The following LARGE1 variants were observed in gnomAD, a reference collection of about 807,000 sequenced individuals.
The protein encoded by LARGE1 is LARGE xylosyl- and glucuronyltransferase 1.
LARGE1 carries 43 observed loss-of-function variants against 87.6 expected under a neutral mutation model. That is an observed-to-expected ratio of 0.49 (90% CI 0.38 to 0.63). The LOEUF (loss-of-function observed/expected upper bound fraction) is 0.63. Among genes scored for constraint, LARGE1 ranks in the 30% least tolerant of loss-of-function variants. The pLI is 0.00. For synonymous variants in LARGE1, 434 were observed against 394.6 expected, an observed-to-expected ratio of 1.10 and a Z score of -1.18; for missense variants, 802 against 1,000.2, an observed-to-expected ratio of 0.80 and a Z score of 2.67.
chr22:33,865,452 C>A (rs1271147252), intron 1 of LARGE1, among the ~76,000 whole-genome samples: 1 of 152,168 alleles, frequency 6.6e-6, no homozygotes, highest in African/African-American at 2.4e-5. Flanking sequence ...TGTTTTCAAC[C>A]TAAATGAGTC....
chr22:33,526,552 T>A (rs1046054423), intron 6 of LARGE1, among the ~76,000 whole-genome samples: 71 of 152,238 alleles, frequency 4.7e-4, no homozygotes, highest in African/African-American at 1.5e-3. Context: ...ATGAAACTTC[T>A]GTAGTGTACA....
chr22:33,412,408 C>T (rs918544035), intron 7 of LARGE1, among the ~76,000 whole-genome samples: 2 of 151,952 alleles, frequency 1.3e-5, no homozygotes, highest in Non-Finnish European at 2.9e-5. Flanking sequence ...TTCCAGGTTG[C>T]AATAGTCCCA....
intron 11 of LARGE1, among the ~76,000 whole-genome samples, chr22:33,185,263 A>T (rs1373890800): frequency 6.6e-6 from 1 of 152,174 alleles, no homozygotes; most frequent in Non-Finnish European, 1.5e-5. Context: ...ACACGGAGAA[A>T]ATTTAAGTGC....
rs1395390900 is a variant in LARGE1, at chr22:33,632,506, T to TG, written c.409-6181dup. On this transcript the variant is annotated intron_variant, in intron 3 of 14. Transcript: ENST00000397394. ...GAGTTTGGTCATTGGGAGGCACCAG[T>TG]GGGGGTCTCAGAGGTCAGATTTCCC... Among the ~76,000 whole-genome samples the TG allele has an allele frequency of 1.6e-4, 24 of 151,842 alleles. 1 individual carries two copies. The highest frequency in any genetic ancestry group is 9.8e-4 in the Admixed American group (15 of 15,236).
rs1033375 is a variant in LARGE1 at position 33,386,714 on chromosome 22, T to G, written c.893-2410A>C. ...CTCAGATAAACAATGTTGGGGGGGG[T>G]AGAAAGAAAAGAAACATTTACAAAG... On this transcript the variant is annotated intron_variant, in intron 7 of 14. Coordinates refer to ENST00000397394, the MANE Select transcript of LARGE1 (RefSeq NM_133642.5). 2.1e-5 allele frequency among the ~76,000 whole-genome samples: 3 copies of G among 146,290 alleles called. 1 individual carries two copies. Among genetic ancestry groups the G allele is most frequent in the South Asian group, 4.8e-4 (2 of 4,130 alleles).
chr22:33,352,474 C>G (rs1387510308), intron 9 of LARGE1, among the ~76,000 whole-genome samples: 4 of 152,050 alleles, frequency 2.6e-5, no homozygotes, highest in Admixed American at 6.6e-5. Context: ...AAGATGCTGG[C>G]CAGGCATGGT....
At chr22:33,728,983 C>G (rs1411734035) in intron 2 of LARGE1, among the ~76,000 whole-genome samples, 1 of 151,972 alleles carries the variant, frequency 6.6e-6, no homozygotes, top group Non-Finnish European at 1.5e-5. Flanking sequence ...CTGTCACCCC[C>G]CTCCCCACAA....
chr22:33,223,231 C>G (rs935005819), intron 11 of LARGE1, among the ~76,000 whole-genome samples: 2 of 152,126 alleles, frequency 1.3e-5, no homozygotes, highest in African/African-American at 4.8e-5. Context: ...CTTCCTAAAG[C>G]CTTGAAATAA....
the LARGE1 span, among the ~76,000 whole-genome samples, chr22:33,143,170 C>G: frequency 6.6e-6 from 1 of 152,074 alleles, no homozygotes; most frequent in Admixed American, 6.6e-5. Flanking sequence ...AAGGGAAGAG[C>G]CAAAACAAAG....
At chr22:33,588,666 G>C (rs540910658) in intron 5 of LARGE1, among the ~76,000 whole-genome samples, 2 of 152,328 alleles carry the variant, frequency 1.3e-5, no homozygotes, top group African/African-American at 4.8e-5. Context: ...AATGGCTCTT[G>C]ACCTTCTGCT....
the LARGE1 span, among the ~76,000 whole-genome samples, chr22:33,143,870 A>T: frequency 6.6e-6 from 1 of 152,340 alleles, no homozygotes; most frequent in South Asian, 2.1e-4. Flanking sequence ...CTTAAAATTT[A>T]AAATGAAGAT....
chr22:33,835,882 A>G (rs2063095839), intron 1 of LARGE1, among the ~76,000 whole-genome samples: 1 of 152,262 alleles, frequency 6.6e-6, no homozygotes, highest in Non-Finnish European at 1.5e-5. Context: ...AGATGAAGCC[A>G]GTAGTTATAG....
chr22:33,349,210 C>T (rs895188085), intron 9 of LARGE1, among the ~76,000 whole-genome samples: 5 of 152,176 alleles, frequency 3.3e-5, no homozygotes, highest in Non-Finnish European at 5.9e-5. Context: ...ATAACACTGG[C>T]TTTCCTGGGA....
the LARGE1 span, among the ~76,000 whole-genome samples, chr22:33,144,772 G>A: frequency 6.6e-6 from 1 of 152,124 alleles, no homozygotes; most frequent in African/African-American, 2.4e-5. Context: ...TTCCAAGCAT[G>A]TAGAGATAGA....
chr22:33,632,833 A>G (rs2080152086), intron 3 of LARGE1, among the ~76,000 whole-genome samples: 1 of 152,236 alleles, frequency 6.6e-6, no homozygotes, highest in South Asian at 2.1e-4. Flanking sequence ...GAGAATTTAT[A>G]CATTTTATTT....
intron 1 of LARGE1, among the ~76,000 whole-genome samples, chr22:33,846,939 G>GT (rs1179601942): frequency 6.6e-6 from 1 of 152,114 alleles, no homozygotes; most frequent in Non-Finnish European, 1.5e-5. Flanking sequence ...TTGTGATCTC[G>GT]TTCTGCCTCC....
the LARGE1 span, among the ~76,000 whole-genome samples, chr22:33,102,788 G>A: frequency 6.6e-6 from 1 of 152,046 alleles, no homozygotes; most frequent in African/African-American, 2.4e-5. Context: ...ACTGCACCTG[G>A]CACCCCCATT....
chr22:33,636,703 T>A (rs2080278008), intron 3 of LARGE1, among the ~76,000 whole-genome samples: 1 of 149,084 alleles, frequency 6.7e-6, no homozygotes, highest in Admixed American at 6.7e-5. Flanking sequence ...AAGTTTTGTA[T>A]TTTTTTTTTG....
chr22:33,766,426 T>A (rs2084902793), intron 1 of LARGE1, among the ~76,000 whole-genome samples: 1 of 152,102 alleles, frequency 6.6e-6, no homozygotes, highest in African/African-American at 2.4e-5. Context: ...ATCACCATGA[T>A]CTGTTTGTTT....
Sources: allele counts gnomAD v4.1 joint callset (sites outside exome capture counted in the v4.1 genomes callset), GRCh38; gene constraint gnomAD v4.1.1; transcripts MANE v1.5; gene names NCBI Gene and HGNC (gene_info 2026-07-23, HGNC 2026-07-21).